Variants in SHANK2 observed in about 807,000 individuals in gnomAD.
SHANK2 encodes SH3 and multiple ankyrin repeat domains protein 2.
Under a neutral mutation model 133.7 loss-of-function variants are expected in SHANK2, and 43 were observed. The ratio of observed to expected loss-of-function variants is 0.32; its 90% CI spans 0.25 to 0.41. The LOEUF (loss-of-function observed/expected upper bound fraction) is 0.41. SHANK2 is among the 10% of genes least tolerant of loss of function. SHANK2 has a pLI of 1.00. For synonymous variants in SHANK2, 1,017 were observed against 952.8 expected (o/e 1.07, Z -1.24); for missense variants, 1,994 against 2,235.8 (o/e 0.89, Z 2.18).
chr11:70,661,500 T>TACACACACAC (rs3837380), intron 16 of SHANK2, 96 bp downstream of exon 16: 79 of 1,063,930 alleles, frequency 7.4e-5, no homozygotes, highest in African/African-American at 4.7e-4. Context: ...TGCAGGCGTA[T>TACACACACAC]ACACACACAC....
chr11:70,721,412 C>T (rs1419196617), intron 14 of SHANK2, among the ~76,000 whole-genome samples: 1 of 152,224 alleles, frequency 6.6e-6, no homozygotes, highest in Admixed American at 6.5e-5. Context: ...GAGATGCCAA[C>T]ATCTTGGGGC....
chr11:70,760,878 G>A (rs975345607), intron 14 of SHANK2, among the ~76,000 whole-genome samples: 6 of 152,342 alleles, frequency 3.9e-5, no homozygotes, highest in African/African-American at 1.4e-4. Flanking sequence ...AGAGGCTGGA[G>A]GATGAGAAGA....
intron 1 of SHANK2, 72 bp from the exon 2 acceptor site, chr11:71,224,868 T>C (rs577728602): frequency 6.6e-6 from 1 of 152,338 alleles, no homozygotes; most frequent in Admixed American, 6.5e-5. Context: ...AAACTTCATG[T>C]AGATTCTGAT....
At chr11:71,143,359 T>G (rs1952590488) in intron 3 of SHANK2, among the ~76,000 whole-genome samples, 1 of 152,250 alleles carries the variant, frequency 6.6e-6, no homozygotes, top group Non-Finnish European at 1.5e-5. Flanking sequence ...TATTGGGGTA[T>G]GCCTACTTGC....
chr11:70,549,491 G>A (rs1453933671), intron 17 of SHANK2, among the ~76,000 whole-genome samples: 2 of 152,218 alleles, frequency 1.3e-5, no homozygotes, highest in African/African-American at 4.8e-5. Context: ...GACTAGGACG[G>A]CCTCATGACA....
chr11:70,921,949 A>G (rs1361160387), intron 10 of SHANK2, among the ~76,000 whole-genome samples: 1 of 152,244 alleles, frequency 6.6e-6, no homozygotes, highest in Admixed American at 6.5e-5. Context: ...AAAACAGTCA[A>G]TAGAAACAGA....
intron 14 of SHANK2, among the ~76,000 whole-genome samples, chr11:70,734,408 G>A (rs1555033015): frequency 1.3e-5 from 2 of 152,182 alleles, no homozygotes; most frequent in African/African-American, 4.8e-5. Flanking sequence ...GCGCCAGTGG[G>A]CCGCCTGACT....
chr11:70,912,981 T>C (rs888317158), intron 10 of SHANK2, among the ~76,000 whole-genome samples: 1 of 152,122 alleles, frequency 6.6e-6, no homozygotes, highest in East Asian at 1.9e-4. Context: ...TTCAGTTCTC[T>C]GGACTTATCA....
chr11:70,479,635 T>TA lies in SHANK2; in HGVS notation c.4979+5678dup, dbSNP rs1404840001. The stretch of plus-strand genomic sequence containing the variant: ...CCTAGAGGGGACTCTGGGGAACTCT[T>TA]ATAGGCCATGCACCCTAACAGAAGC... On this transcript the variant is annotated intron_variant, in intron 25 of 25. Transcript: ENST00000601538. This position sits in a 1 kb window ranked among gnomAD's most constrained non-coding sequence, Gnocchi z 4.4. 2.0e-5 allele frequency among the ~76,000 whole-genome samples: 3 copies of TA among 152,206 alleles called. No individual in the cohort carries two copies. The highest frequency in any genetic ancestry group is 4.4e-5 in the Non-Finnish European group (3 of 68,030).
chr11:70,775,846 AAT>A (rs1555043823), intron 14 of SHANK2, among the ~76,000 whole-genome samples: 5 of 152,358 alleles, frequency 3.3e-5, no homozygotes, highest in South Asian at 2.1e-4. Context: ...CCCATAAGCC[AAT>A]GTTTATTCAT....
chr11:70,714,510 G>T (rs1158816603), intron 14 of SHANK2, among the ~76,000 whole-genome samples: 3 of 152,204 alleles, frequency 2.0e-5, no homozygotes, highest in African/African-American at 7.2e-5. Flanking sequence ...AGGTTAAATG[G>T]TATTCCTCTA....
chr11:70,836,755 G>A (rs1948824640), intron 11 of SHANK2, among the ~76,000 whole-genome samples: 1 of 152,232 alleles, frequency 6.6e-6, no homozygotes, highest in South Asian at 2.1e-4. Context: ...CTTTCGTAAA[G>A]CAGCACCTGA....
intron 17 of SHANK2, among the ~76,000 whole-genome samples, chr11:70,567,792 T>C (rs1201918013): frequency 2.0e-5 from 3 of 151,820 alleles, no homozygotes. Context: ...ACTGTGAGAG[T>C]CAACGTCTAC....
rs922511872 is a variant in SHANK2 at position 71,069,146 on chromosome 11, C to T, written c.1029+6013G>A. On this transcript the variant is annotated intron_variant, in intron 9 of 25. Coordinates refer to ENST00000601538, the MANE Select transcript of SHANK2 (RefSeq NM_012309.5). ...ATCACCATCACCATGGCCACCATCA[C>T]TATCACCATGACCACCCTCACCACC... Among the ~76,000 whole-genome samples the T allele has an allele frequency of 2.7e-3, 406 of 151,636 alleles. 4 individuals are homozygous for T. The highest frequency in any genetic ancestry group is 4.3e-3 in the Non-Finnish European group (291 of 67,852).
intron 8 of SHANK2, among the ~76,000 whole-genome samples, chr11:71,078,682 C>T (rs1017702211): frequency 1.1e-4 from 16 of 152,222 alleles, no homozygotes; most frequent in South Asian, 4.1e-4. Flanking sequence ...CATCAGTTTA[C>T]TGTTGCCATG....
intron 14 of SHANK2, among the ~76,000 whole-genome samples, chr11:70,707,679 G>C (rs1945695713): frequency 1.3e-5 from 2 of 152,182 alleles, no homozygotes; most frequent in African/African-American, 4.8e-5. Context: ...GGGCTGCACT[G>C]AGGACAAGAT....
intron 17 of SHANK2, among the ~76,000 whole-genome samples, chr11:70,513,533 C>T (rs1274036196): frequency 6.6e-6 from 1 of 152,198 alleles, no homozygotes; most frequent in Non-Finnish European, 1.5e-5. Context: ...GCATAACATT[C>T]ACGAAATTTG....
intron 1 of SHANK2, among the ~76,000 whole-genome samples, chr11:71,243,661 C>T (rs1954921808): frequency 6.6e-6 from 1 of 152,110 alleles, no homozygotes; most frequent in South Asian, 2.1e-4. Flanking sequence ...CGCCACTGCA[C>T]TCCAGCCTAG....
intron 15 of SHANK2, among the ~76,000 whole-genome samples, chr11:70,690,669 C>G (rs1407944275): frequency 1.2e-5 from 1 of 82,156 alleles, no homozygotes; most frequent in Non-Finnish European, 2.7e-5. Flanking sequence ...AACTTAGAAC[C>G]CATAAATATA....
Sources: allele counts gnomAD v4.1 joint callset (sites outside exome capture counted in the v4.1 genomes callset), GRCh38; gene constraint gnomAD v4.1.1; non-coding constraint Gnocchi (gnomAD v3.1); transcripts MANE v1.5; gene names NCBI Gene and HGNC (gene_info 2026-07-23, HGNC 2026-07-21).